PCDHGA4: variants seen among roughly 807,000 people sequenced by gnomAD.
PCDHGA4 encodes protocadherin gamma subfamily A, 4.
Under a neutral mutation model 54.6 loss-of-function variants are expected in PCDHGA4, and 38 were observed. That is an observed-to-expected ratio of 0.70 (90% confidence interval 0.54 to 0.91). The LOEUF is 0.91. Among genes scored for constraint, PCDHGA4 ranks in the 40% least tolerant of loss-of-function variants. The pLI, the probability that PCDHGA4 is intolerant of heterozygous loss-of-function variation, is 0.00. For synonymous variants in PCDHGA4, 511 were observed against 512.9 expected, an observed-to-expected ratio of 1.00 and a Z score of 0.05; for missense variants, 1,298 against 1,220.9, an observed-to-expected ratio of 1.06 and a Z score of -0.94.
At chr5:141,494,758 T>A (rs370692038) in intron 1 of PCDHGA4, 49 bp from the exon 2 acceptor site, 2 of 1,613,800 alleles carry the variant, frequency 1.2e-6, no homozygotes, top group Admixed American at 3.3e-5. Context: ...CGGGTGACAT[T>A]CTAACTTCTC....
At position 141,487,289 on chromosome 5, in the gene PCDHGA4, G is replaced by T; in HGVS notation, c.2515-7518G>T. 6.2e-7 allele frequency: 1 copy of T among 1,614,096 alleles called. No individual in the cohort carries two copies. The highest frequency in any genetic ancestry group is 8.5e-7 in the Non-Finnish European group (1 of 1,180,024). On this transcript the variant is annotated intron_variant, in intron 1 of 3. Coordinates refer to ENST00000571252, the MANE Select transcript of PCDHGA4 (RefSeq NM_018917.4). The surrounding 1 kb of genome is among the most constrained non-coding windows in gnomAD (Gnocchi z 5.0). Reference sequence around the variant, plus strand: ...AGTGGCAATTTGCTTTGTCTCCTTTGGCTCATTCGTGGCACTACTCTCTAA... The same window carrying T: ...AGTGGCAATTTGCTTTGTCTCCTTTTGCTCATTCGTGGCACTACTCTCTAA...
rs770219250 is a variant in PCDHGA4, at chr5:141,477,852, T to C, written c.2515-16955T>C. Reference sequence around the variant, plus strand: ...CGGCCAGGTGGGAGCTCGGTGGAGATGCTGCCTCGAGGTACCTCAGCTGGC... The same window carrying C: ...CGGCCAGGTGGGAGCTCGGTGGAGACGCTGCCTCGAGGTACCTCAGCTGGC... On this transcript the variant is annotated intron_variant, in intron 1 of 3. Transcript: ENST00000571252. This position sits in a 1 kb window ranked among gnomAD's most constrained non-coding sequence, Gnocchi z 4.9. The C allele has an allele frequency of 6.2e-7, 1 of 1,613,654 alleles. No homozygotes were observed. Among genetic ancestry groups the C allele is most frequent in the Admixed American group, 1.7e-5 (1 of 59,980 alleles).
At position 141,511,393 on chromosome 5, in the gene PCDHGA4, C is replaced by G. The variant is rs1257680621; in HGVS notation, c.*220C>G. The G allele has an allele frequency of 2.8e-6, 3 of 1,067,816 alleles. No individual in the cohort carries two copies. The highest frequency in any genetic ancestry group is 3.9e-6 in the Non-Finnish European group (3 of 764,518). The allele number at this position is 1,067,816 out of a possible 1,614,324, so 66.1% of individuals were successfully genotyped here. A position where few individuals can be genotyped will look rare whatever the true frequency, so the allele number is the denominator to read the frequency against. On this transcript the variant is annotated 3_prime_UTR_variant, in exon 4 of 4. Coordinates refer to ENST00000571252, the MANE Select transcript of PCDHGA4 (RefSeq NM_018917.4). ...CAAAAGCAGTTCCGCTGGGAACCCC[C>G]ATCCAATCAACTGCTGTACCCATGG...
In PCDHGA4 at chr5:141,485,115, G is replaced by A. The variant is rs1043877839; in HGVS notation, c.2515-9692G>A. 6.9e-6 allele frequency: 9 copies of A among 1,300,470 alleles called. No individual in the cohort carries two copies. Among genetic ancestry groups the A allele is most frequent in the Non-Finnish European group, 1.1e-6 (1 of 911,406 alleles). 80.6% of individuals were successfully genotyped at this position (1,300,470 alleles called of 1,614,324 possible). ...GTGTCTCCAGCTGCTGTGGCTGTTT[G>A]GGGCGGGTCGGCTTCATCCGCGTCT... On this transcript the variant is annotated intron_variant, in intron 1 of 3. Coordinates refer to ENST00000571252, the MANE Select transcript of PCDHGA4 (RefSeq NM_018917.4). The surrounding 1 kb of genome is among the most constrained non-coding windows in gnomAD (Gnocchi z 5.7).
At chr5:141,464,680 A>G (rs747974832) in intron 1 of PCDHGA4, among the ~76,000 whole-genome samples, 3 of 152,144 alleles carry the variant, frequency 2.0e-5, no homozygotes, top group Non-Finnish European at 4.4e-5. Flanking sequence ...TTTTAATTAA[A>G]ATTTCTCTTA....
At chr5:141,419,723 C>G (rs373666366) in intron 1 of PCDHGA4, 1 of 1,613,174 alleles carries the variant, frequency 6.2e-7, no homozygotes, top group African/African-American at 1.3e-5. Context: ...CCTGGGGCTG[C>G]GAACAGGCGA....
intron 1 of PCDHGA4, among the ~76,000 whole-genome samples, chr5:141,479,846 C>A (rs1350909064): frequency 1.3e-5 from 2 of 152,194 alleles, no homozygotes; most frequent in Admixed American, 6.5e-5. Context: ...TGCAAGGTGA[C>A]TGCAAGGCCT....
At chr5:141,369,276 A>T (rs1275189413) in intron 1 of PCDHGA4, among the ~76,000 whole-genome samples, 1 of 152,086 alleles carries the variant, frequency 6.6e-6, no homozygotes, top group Non-Finnish European at 1.5e-5. Context: ...CTTACAATTC[A>T]CTCCCCAATC....
At chr5:141,484,362 A>T (rs1460176695) in intron 1 of PCDHGA4, among the ~76,000 whole-genome samples, 1 of 152,196 alleles carries the variant, frequency 6.6e-6, no homozygotes, top group Non-Finnish European at 1.5e-5. Context: ...TATCTAGTGT[A>T]TCACTAGCAA....
chr5:141,499,414 T>C (rs543824206), intron 2 of PCDHGA4, among the ~76,000 whole-genome samples: 1 of 151,804 alleles, frequency 6.6e-6, no homozygotes, highest in Non-Finnish European at 1.5e-5. Context: ...TATAGAAACA[T>C]GAAAAATAGA....
Position 141,489,361 on chromosome 5 carries a change from C to A in PCDHGA4, c.2515-5446C>A. ...TTACTCAGTGGTGGAGGAGTCTGAG[C>A]CGGGGACGCTGGTGGGGAATGTTGC... On this transcript the variant is annotated intron_variant, in intron 1 of 3. Transcript: ENST00000571252. This position sits in a 1 kb window ranked among gnomAD's most constrained non-coding sequence, Gnocchi z 4.5. 1 of 1,612,880 alleles carries A rather than the reference C, an allele frequency of 6.2e-7. No individual in the cohort carries two copies. The highest frequency in any genetic ancestry group is 8.5e-7 in the Non-Finnish European group (1 of 1,179,164).
chr5:141,355,233 C>G lies in PCDHGA4; in HGVS notation c.126C>G (p.Thr42=). ...MAAPPARPDH[T]RLLQICLLLG... is the part of the protein sequence containing the mutation. The stretch of plus-strand genomic sequence containing the variant: ...CGCCTCCTGCTCGCCCAGACCACAC[C>G]CGGCTGCTCCAGATCTGCCTTCTCC... The change falls in exon 1 of 4, where the codon ACC becomes ACG. Residue 42 remains threonine, a synonymous_variant. Coordinates refer to ENST00000571252, the MANE Select transcript of PCDHGA4 (RefSeq NM_018917.4). The G allele has an allele frequency of 6.2e-7, 1 of 1,612,052 alleles. No homozygotes were observed. The highest frequency in any genetic ancestry group is 8.5e-7 in the Non-Finnish European group (1 of 1,179,160).
chr5:141,375,611 G>A lies in PCDHGA4; in HGVS notation c.2514+17990G>A, dbSNP rs1049659012. 8 of 1,614,060 alleles carry A rather than the reference G, an allele frequency of 5.0e-6. No individual in the cohort carries two copies. The African/African-American group carries it at 8.0e-5, about 16-fold the overall frequency. On this transcript the variant is annotated intron_variant, in intron 1 of 3. Transcript: ENST00000571252. ...GTCCTCCTACGTGTCCATCAACTCC[G>A]ACACTGGGATTCTGTACGCCCTGCG...
chr5:141,388,391 T>C, intron 1 of PCDHGA4: 2 of 1,613,964 alleles, frequency 1.2e-6, no homozygotes, highest in Non-Finnish European at 1.7e-6. Flanking sequence ...CACTGCAGAA[T>C]TACCAACTCA....
rs758674133 is a variant in PCDHGA4 at position 141,371,791 on chromosome 5, C to T, written c.2514+14170C>T. 1.9e-6 allele frequency: 3 copies of T among 1,613,820 alleles called. No homozygotes were observed. In the African/African-American group the frequency reaches 4.0e-5, roughly 22 times the overall value. The stretch of plus-strand genomic sequence containing the variant: ...ACCGTGCATGTAGCTGAGAACAATC[C>T]GCCTGGAGCCTCCATTGCGCATGTC... On this transcript the variant is annotated intron_variant, in intron 1 of 3. Coordinates refer to ENST00000571252, the MANE Select transcript of PCDHGA4 (RefSeq NM_018917.4).
chr5:141,409,441 G>A (rs1432743588), intron 1 of PCDHGA4: 1 of 1,613,884 alleles, frequency 6.2e-7, no homozygotes, highest in Admixed American at 1.7e-5. Context: ...TGGACCGAGA[G>A]CAGACACCAG....
At chr5:141,362,716 C>G (rs1286342782) in intron 1 of PCDHGA4, 6 of 905,252 alleles carry the variant, frequency 6.6e-6, no homozygotes, top group Non-Finnish European at 9.7e-6. Flanking sequence ...TGTTTTCTCT[C>G]TGAAGTGTGA....
chr5:141,389,331 G>A (rs1212558688), intron 1 of PCDHGA4: 15 of 1,613,986 alleles, frequency 9.3e-6, no homozygotes, highest in Middle Eastern at 1.6e-4. Context: ...GGGGCCCAAC[G>A]GCCAAGTCTC....
chr5:141,410,778 G>T, intron 1 of PCDHGA4: 3 of 818,726 alleles, frequency 3.7e-6, no homozygotes, highest in Non-Finnish European at 3.4e-6. Flanking sequence ...TTTTCACTAT[G>T]TATTTGGTTC....
Sources: gnomAD v4.1 joint callset for allele counts (sites outside exome capture counted in the v4.1 genomes callset) on GRCh38, gnomAD v4.1.1 for gene constraint, Gnocchi (gnomAD v3.1) non-coding constraint, MANE v1.5 for transcripts, NCBI Gene and HGNC (gene_info 2026-07-23, HGNC 2026-07-21) for gene names.